Variants in FGFR4 observed in about 807,000 individuals in gnomAD.
FGFR4 encodes the protein fibroblast growth factor receptor 4, also known as hydroxyaryl-protein kinase.
A neutral mutation model predicts 89.9 loss-of-function variants in FGFR4; 63 were observed. The ratio of observed to expected loss-of-function variants is 0.70; its 90% CI spans 0.57 to 0.86. The LOEUF (loss-of-function observed/expected upper bound fraction) is 0.86. Among genes scored for constraint, FGFR4 ranks in the 40% least tolerant of loss-of-function variants. The pLI, the probability that FGFR4 is intolerant of heterozygous loss-of-function variation, is 0.00. For synonymous variants in FGFR4, 486 were observed against 479.4 expected, an observed-to-expected ratio of 1.01 and a Z score of -0.18; for missense variants, 928 against 1,106.7, an observed-to-expected ratio of 0.84 and a Z score of 2.29.
chr5:177,092,932 C>T (rs769030542), intron 8 of FGFR4, 148 bp downstream of exon 8: 3 of 1,385,392 alleles, frequency 2.2e-6, no homozygotes, highest in South Asian at 2.4e-5. Flanking sequence ...AGCTGTATGA[C>T]AGCCCCTCTG....
At chr5:177,092,605 C>T in intron 7 of FGFR4, 41 bp from the exon 8 acceptor site, 1 of 1,579,998 alleles carries the variant, frequency 6.3e-7, no homozygotes, top group South Asian at 1.2e-5. Context: ...CAGTGTGGCC[C>T]CAGGCCCTGC....
Position 177,097,364 on chromosome 5 carries a change from G to T in FGFR4, c.2226G>T (p.Ala742=). 2 of 1,611,972 alleles carry T rather than the reference G, an allele frequency of 1.2e-6. No homozygotes were observed. Among genetic ancestry groups the T allele is most frequent in the Non-Finnish European group, 8.5e-7 (1 of 1,179,344 alleles). Reference sequence around the variant, plus strand: ...CTACCTTCAAGCAGCTGGTGGAGGCGCTGGACAAGGTCCTGCTGGCCGTCT... The same window carrying T: ...CTACCTTCAAGCAGCTGGTGGAGGCTCTGGACAAGGTCCTGCTGGCCGTCT... ...QRPTFKQLVE[A]LDKVLLAVSE... Residue 742 remains alanine (A), a synonymous_variant, in exon 17 of 18, where the codon GCG becomes GCT. Transcript: ENST00000292408.
At position 177,092,631 on chromosome 5, in the gene FGFR4, T is replaced by C. The variant is rs756746013; in HGVS notation, c.919-15T>C. 3 of 1,595,634 alleles carry C rather than the reference T, an allele frequency of 1.9e-6. No homozygotes were observed. Among genetic ancestry groups the C allele is most frequent in the East Asian group, 4.5e-5 (2 of 44,490 alleles). On this transcript the variant is annotated splice_polypyrimidine_tract_variant and intron_variant, in intron 7 of 17. Coordinates refer to ENST00000292408, the MANE Select transcript of FGFR4 (RefSeq NM_213647.3). ...CAGGCCCTGCTGTGACCCCAGAGCA[T>C]GTCCCCCACCCCAGACTGCAGACAT...
rs1784449380 is a variant in FGFR4 at position 177,093,606 on chromosome 5, C to G, written c.1398-48C>G. 6.2e-7 allele frequency: 1 copy of G among 1,613,650 alleles called. No individual in the cohort carries two copies. The highest frequency in any genetic ancestry group is 8.5e-7 in the Non-Finnish European group (1 of 1,179,658). ...CGGGCGCCGGGTTGCAGCCCGCCCTCCGCAGGAGTGACTCGGAGGTCTGAG... is the reference window on the plus strand; with the variant it reads ...CGGGCGCCGGGTTGCAGCCCGCCCTGCGCAGGAGTGACTCGGAGGTCTGAG... On this transcript the variant is annotated intron_variant, in intron 10 of 17. Coordinates refer to ENST00000292408, the MANE Select transcript of FGFR4 (RefSeq NM_213647.3). The surrounding 1 kb of genome is among the most constrained non-coding windows in gnomAD (Gnocchi z 5.8).
chr5:177,091,607 T>G, intron 5 of FGFR4, 78 bp from the exon 6 acceptor site: 3 of 1,573,134 alleles, frequency 1.9e-6, no homozygotes, highest in Non-Finnish European at 2.6e-6. Flanking sequence ...GTGGGCAGGA[T>G]GAGGATCTAG....
chr5:177,093,584 G>T lies in FGFR4; in HGVS notation c.1397+33G>T, dbSNP rs752995960. On this transcript the variant is annotated intron_variant, in intron 10 of 17. Transcript: ENST00000292408. This position sits in a 1 kb window ranked among gnomAD's most constrained non-coding sequence, Gnocchi z 5.8. ...GAGCTGTGTGGGGGCAGGGACGCGGGCGCCGGGTTGCAGCCCGCCCTCCGC... is the reference window on the plus strand; with the variant it reads ...GAGCTGTGTGGGGGCAGGGACGCGGTCGCCGGGTTGCAGCCCGCCCTCCGC... 1.2e-6 allele frequency: 2 copies of T among 1,612,370 alleles called. No individual in the cohort carries two copies. The highest frequency in any genetic ancestry group is 1.7e-6 in the Non-Finnish European group (2 of 1,178,702).
chr5:177,092,914 T>C (rs1342178892), intron 8 of FGFR4, 130 bp downstream of exon 8: 2 of 1,478,606 alleles, frequency 1.4e-6, no homozygotes, highest in Admixed American at 1.9e-5. Flanking sequence ...TGTGGATTTG[T>C]GGGTTTGAGC....
At chr5:177,097,173 ACCCTCCTAT>A in intron 16 of FGFR4, 110 bp from the exon 17 acceptor site, 1 of 693,654 alleles carries the variant, frequency 1.4e-6, no homozygotes, top group East Asian at 2.8e-5. Flanking sequence ...TCTACTGATG[ACCCTCCTAT>A]CCCTCATCAA....
chr5:177,093,148 C>G lies in FGFR4; in HGVS notation c.1068C>G (p.Pro356=), dbSNP rs2149734969. The change falls in exon 9 of 18, where the codon CCC becomes CCG. Residue 356 remains proline (P), a synonymous_variant. Transcript: ENST00000292408. The surrounding 1 kb of genome is among the most constrained non-coding windows in gnomAD (Gnocchi z 5.8). ...AWLTVLPEED[P]TWTAAAPEAR... is the part of the protein sequence containing the mutation. ...CATGTGCGAGGGCAGAGGAGGACCC[C>G]ACATGGACCGCAGCAGCGCCCGAGG... 2 of 1,614,074 alleles carry G rather than the reference C, an allele frequency of 1.2e-6. No homozygotes were observed. Among genetic ancestry groups the G allele is most frequent in the Non-Finnish European group, 1.7e-6 (2 of 1,180,008 alleles).
rs1784544251 is a variant in FGFR4, at chr5:177,095,940, T to C, written c.1822-117T>C. The stretch of plus-strand genomic sequence containing the variant: ...GAAGGCACTCCCCGTTTCTAAACCT[T>C]GACCTCCTCCTCTGTAAAGTGGGTG... On this transcript the variant is annotated intron_variant, in intron 13 of 17. Coordinates refer to ENST00000292408, the MANE Select transcript of FGFR4 (RefSeq NM_213647.3). This position sits in a 1 kb window ranked among gnomAD's most constrained non-coding sequence, Gnocchi z 5.7. 1 of 1,425,532 alleles carries C rather than the reference T, an allele frequency of 7.0e-7. No individual in the cohort carries two copies. Among genetic ancestry groups the C allele is most frequent in the Non-Finnish European group, 9.3e-7 (1 of 1,071,986 alleles). 88.3% of individuals were successfully genotyped at this position (1,425,532 alleles called of 1,614,324 possible).
intron 16 of FGFR4, among the ~76,000 whole-genome samples, 164 bp downstream of exon 16, chr5:177,096,905 T>TTCCTCCTCCTCCTCTTCC (rs879157960): frequency 3.2e-4 from 5 of 15,508 alleles, no homozygotes; most frequent in African/African-American, 8.2e-4. Context: ...CCTCCTCCTC[T>TTCCTCCTCCTCCTCTTCC]TCCTCCTCCT....
chr5:177,089,332 A>G (rs1277231336), intron 1 of FGFR4, among the ~76,000 whole-genome samples: 1 of 152,176 alleles, frequency 6.6e-6, no homozygotes, highest in Non-Finnish European at 1.5e-5. Context: ...CAGGGAGAGC[A>G]GGAAGCCCAG....
intron 16 of FGFR4, among the ~76,000 whole-genome samples, 199 bp downstream of exon 16, chr5:177,096,940 C>CTTTCTCCTT (rs1784601578): frequency 9.0e-6 from 1 of 110,770 alleles, no homozygotes; most frequent in Non-Finnish European, 1.9e-5. Context: ...TCTTCCTCCT[C>CTTTCTCCTT]CTCCTCTTCC....
intron 2 of FGFR4, 66 bp downstream of exon 2, chr5:177,089,759 G>T: frequency 6.3e-7 from 1 of 1,576,690 alleles, no homozygotes; most frequent in East Asian, 2.3e-5. Context: ...GGGGGCTGCT[G>T]GGCTGAGCAA....
At chr5:177,096,823 G>A (rs1330585788) in intron 16 of FGFR4, 82 bp downstream of exon 16, 6 of 1,498,110 alleles carry the variant, frequency 4.0e-6, no homozygotes, top group Non-Finnish European at 3.6e-6. Flanking sequence ...GTGTGTCCCG[G>A]CCAGAAGGAC....
In FGFR4 at chr5:177,093,159, C is replaced by T. The variant is rs373767917; in HGVS notation, c.1079C>T (p.Ala360Val). ...VLPEEDPTWT[A>V]AAPEARYTDI... ...GCAGAGGAGGACCCCACATGGACCG[C>T]AGCAGCGCCCGAGGCCAGGTATACG... Residue 360 changes from alanine (A) to valine (V), a missense_variant, in exon 9 of 18, where the codon GCA becomes GTA. By Grantham distance (64) the Ala-to-Val change is moderately conservative (BLOSUM62 0). Around this residue, in one of 5 missense-constraint regions of FGFR4, gnomAD observed 741 missense variants for 836.9 expected, o/e 0.89. Coordinates refer to ENST00000292408, the MANE Select transcript of FGFR4 (RefSeq NM_213647.3). This position sits in a 1 kb window ranked among gnomAD's most constrained non-coding sequence, Gnocchi z 5.8. 3 of 1,614,056 alleles carry T rather than the reference C, an allele frequency of 1.9e-6. No homozygotes were observed. Among genetic ancestry groups the T allele is most frequent in the Non-Finnish European group, 2.5e-6 (3 of 1,179,974 alleles).
chr5:177,089,991 T>C, intron 2 of FGFR4: 3 of 671,464 alleles, frequency 4.5e-6, no homozygotes. Context: ...TTCTGTGCAC[T>C]GGGTGTGTGA....
rs752662293 is a variant in FGFR4, at chr5:177,095,629, G to A, written c.1727G>A (p.Gly576Asp). 17 of 1,606,202 alleles carry A rather than the reference G, an allele frequency of 1.1e-5. No homozygotes were observed. Among genetic ancestry groups the A allele is most frequent in the East Asian group, 6.7e-5 (3 of 44,616 alleles). ...CCAGGCCCCGACCTCAGCCCCGACG[G>A]TCCTCGGAGCAGTGAGGGGCCGCTC... ...RPPGPDLSPDGPRSSEGPLSF... is the reference protein window; with the variant it reads ...RPPGPDLSPDDPRSSEGPLSF... The change falls in exon 13 of 18, where the codon GGT (glycine) becomes GAT (aspartate). Residue 576 changes from glycine (G) to aspartate (D), a missense_variant. Gly to Asp is a moderately conservative substitution (Grantham distance 94). This residue lies in a region of FGFR4 where 741 missense variants were observed against 836.9 expected (regional missense o/e 0.89). Coordinates refer to ENST00000292408, the MANE Select transcript of FGFR4 (RefSeq NM_213647.3). The surrounding 1 kb of genome is among the most constrained non-coding windows in gnomAD (Gnocchi z 5.7).
At chr5:177,089,908 C>G in intron 2 of FGFR4, 1 of 740,520 alleles carries the variant, frequency 1.4e-6, no homozygotes, top group Non-Finnish European at 2.4e-6. Flanking sequence ...CCTTGCAGGG[C>G]GCAGGGCCCT....
Sources: allele counts gnomAD v4.1 joint callset (sites outside exome capture counted in the v4.1 genomes callset), GRCh38; gene constraint gnomAD v4.1.1; regional missense constraint gnomAD v4.1.1; non-coding constraint Gnocchi (gnomAD v3.1); transcripts MANE v1.5; gene names NCBI Gene and HGNC (gene_info 2026-07-23, HGNC 2026-07-21).